The following TJP1 variants were observed in gnomAD, a reference collection of about 807,000 sequenced individuals.
TJP1 encodes the protein tight junction protein 1.
In TJP1, 43 loss-of-function variants were observed where a neutral mutation model predicts 194.2. The ratio of observed to expected loss-of-function variants is 0.22; its 90% CI spans 0.17 to 0.29. TJP1 has a LOEUF of 0.29. Among genes scored for constraint, TJP1 ranks in the 10% least tolerant of loss-of-function variants. The probability of loss-of-function intolerance (pLI) is 1.00; values close to 1 mark genes in which losing one functional copy is unlikely to be tolerated. For missense variants in TJP1, 1,971 were observed against 2,185.7 expected, an observed-to-expected ratio of 0.90 and a Z score of 1.96; for synonymous variants, 801 against 779.0, an observed-to-expected ratio of 1.03 and a Z score of -0.47.
chr15:29,905,710 C>T (rs1364925629), intron 2 of TJP1, among the ~76,000 whole-genome samples: 5 of 152,106 alleles, frequency 3.3e-5, no homozygotes, highest in Admixed American at 6.5e-5. Flanking sequence ...CTATTACCTA[C>T]AAAAAACATG....
chr15:29,760,561 G>A (rs942318257), intron 8 of TJP1, among the ~76,000 whole-genome samples: 17 of 152,212 alleles, frequency 1.1e-4, no homozygotes, highest in Admixed American at 9.2e-4. Flanking sequence ...ATTTTTAGTA[G>A]AGACAGAGTT....
chr15:29,860,812 A>G (rs902353530), intron 2 of TJP1, among the ~76,000 whole-genome samples: 10 of 152,202 alleles, frequency 6.6e-5, no homozygotes, highest in African/African-American at 2.2e-4. Context: ...GCAACCCTGT[A>G]TCTAGCAAGT....
At chr15:29,917,033 G>T (rs976541350) in intron 2 of TJP1, among the ~76,000 whole-genome samples, 5 of 152,138 alleles carry the variant, frequency 3.3e-5, no homozygotes, top group Non-Finnish European at 7.3e-5. Flanking sequence ...AAGGATAGAA[G>T]ACATTTAAGA....
chr15:29,815,380 C>G (rs1394937603), intron 1 of TJP1, among the ~76,000 whole-genome samples: 1 of 152,170 alleles, frequency 6.6e-6, no homozygotes, highest in Non-Finnish European at 1.5e-5. Flanking sequence ...TCAAGATTTG[C>G]TTTCAAAATT....
chr15:29,708,468 T>A, intron 25 of TJP1, 91 bp downstream of exon 25: 1 of 1,046,768 alleles, frequency 9.6e-7, no homozygotes, highest in Non-Finnish European at 1.4e-6. Context: ...GTTAAAAAGA[T>A]CACTTTAAAG....
chr15:29,938,445 G>A (rs973893011), intron 2 of TJP1, among the ~76,000 whole-genome samples: 18 of 152,094 alleles, frequency 1.2e-4, no homozygotes, highest in Non-Finnish European at 2.2e-4. Flanking sequence ...CAAAAATCAC[G>A]TTTGTAGTAC....
rs967864546 is a variant in TJP1 at position 29,706,213 on chromosome 15, G to A, written c.4851-468C>T. On this transcript the variant is annotated intron_variant, in intron 25 of 27. Transcript: ENST00000614355. ...CTCCCAAAGTGCTGAGGTTACAGGC[G>A]TGAGCCACCGCGCCTGGCGAGAATA... Among the ~76,000 whole-genome samples the A allele has an allele frequency of 4.6e-5, 7 of 152,286 alleles. 1 individual carries two copies. Among genetic ancestry groups the A allele is most frequent in the African/African-American group, 1.4e-4 (6 of 41,558 alleles).
At chr15:29,870,889 C>T (rs1289767530) in intron 2 of TJP1, among the ~76,000 whole-genome samples, 1 of 152,194 alleles carries the variant, frequency 6.6e-6, no homozygotes, top group African/African-American at 2.4e-5. Flanking sequence ...ATAAAGCTAA[C>T]AAGTTGATTG....
Position 29,926,639 on chromosome 15 carries a change from G to T in TJP1, c.306+29593C>A, listed in dbSNP as rs148273395. Among the ~76,000 whole-genome samples, 577 of 151,818 alleles carry T rather than the reference G, an allele frequency of 3.8e-3. 1 individual carries two copies. The highest frequency in any genetic ancestry group is 0.013 in the African/African-American group (544 of 41,396). The stretch of plus-strand genomic sequence containing the variant: ...GAAAAAAAAAAAAAAAAGTATTTGG[G>T]GACAAGAAATGAATTAATATGTGTG... On this transcript the variant is annotated intron_variant, in intron 2 of 28. Coordinates refer to the TJP1 transcript ENST00000356107.
In TJP1 at chr15:29,705,928, TTTTG is replaced by T. The variant is rs1025897971; in HGVS notation, c.4851-187_4851-184del. Among the ~76,000 whole-genome samples the T allele has an allele frequency of 5.4e-4, 82 of 152,198 alleles. 1 individual carries two copies. The highest frequency in any genetic ancestry group is 1.5e-4 in the Non-Finnish European group (10 of 68,030). ...GTTATCGCAGAGAATATTATTTCTT[TTTTG>T]TTTGTTTGTTTGGTTTTGAGACAGA... On this transcript the variant is annotated intron_variant, in intron 25 of 27. Transcript: ENST00000614355.
chr15:29,716,726 C>T lies in TJP1; in HGVS notation c.4087G>A (p.Asp1363Asn). The change falls in exon 23 of 28, where the codon GAC becomes AAC. Residue 1363 changes from aspartate (D) to asparagine (N), a missense_variant. Physicochemically the swap from Asp to Asn is conservative, Grantham distance 23. Around this residue, in one of 5 missense-constraint regions of TJP1, gnomAD observed 1,108 missense variants for 1,128.5 expected, o/e 0.98. Coordinates refer to ENST00000614355, the MANE Select transcript of TJP1 (RefSeq NM_001330239.4). ...EYYRKQLSYF[D>N]RRSFENKPPA... is the part of the protein sequence containing the mutation. Reference sequence around the variant, plus strand: ...GGCTTATTCTCAAAACTTCTTCGGTCAAAGTATGACAGCTGTTTTCGATAA... The same window carrying T: ...GGCTTATTCTCAAAACTTCTTCGGTTAAAGTATGACAGCTGTTTTCGATAA... 1 of 1,614,076 alleles carries T rather than the reference C, an allele frequency of 6.2e-7. No individual in the cohort carries two copies. The highest frequency in any genetic ancestry group is 1.1e-5 in the South Asian group (1 of 91,052).
intron 2 of TJP1, among the ~76,000 whole-genome samples, chr15:29,917,142 A>G (rs1001877): frequency 0.18 from 26,806 of 152,228 alleles, 2,515 homozygotes; most frequent in East Asian, 0.34. Flanking sequence ...AGCTGTAAAC[A>G]AAAGGATACG....
chr15:29,850,307 CT>C (rs2051591608), intron 2 of TJP1, among the ~76,000 whole-genome samples: 1 of 152,084 alleles, frequency 6.6e-6, no homozygotes, highest in Non-Finnish European at 1.5e-5. Flanking sequence ...ATTTTAGAGA[CT>C]TTGTGAAATA....
intron 1 of TJP1, among the ~76,000 whole-genome samples, chr15:29,959,956 A>G (rs1342759738): frequency 3.3e-5 from 5 of 152,218 alleles, no homozygotes; most frequent in Admixed American, 6.5e-5. Flanking sequence ...TATTCAAAAG[A>G]GGACATATGG....
intron 2 of TJP1, among the ~76,000 whole-genome samples, chr15:29,934,768 A>T (rs1264219711): frequency 6.6e-6 from 1 of 152,224 alleles, no homozygotes; most frequent in Non-Finnish European, 1.5e-5. Context: ...GTAGTTTTCA[A>T]CTTCAAATAC....
At position 29,835,005 on chromosome 15, in the gene TJP1, T is replaced by C. The variant is rs557169617; in HGVS notation, c.307-34303A>G. Among the ~76,000 whole-genome samples, 4 of 152,242 alleles carry C rather than the reference T, an allele frequency of 2.6e-5. No homozygotes were observed. The South Asian group carries it at 8.3e-4, about 32-fold the overall frequency. ...GATGGAAATAATCTGGAAAAGGTCTTTTGGGAATGAAGTTTCCTCATCTGC... is the reference window on the plus strand; with the variant it reads ...GATGGAAATAATCTGGAAAAGGTCTCTTGGGAATGAAGTTTCCTCATCTGC... On this transcript the variant is annotated intron_variant, in intron 2 of 28. Transcript: ENST00000356107.
chr15:29,805,106 T>C (rs894221826), intron 1 of TJP1, among the ~76,000 whole-genome samples: 2 of 152,242 alleles, frequency 1.3e-5, no homozygotes, highest in African/African-American at 4.8e-5. Context: ...CTGCAATTCA[T>C]GGTTGCTGGA....
chr15:29,743,597 T>G (rs2044569062), intron 8 of TJP1, among the ~76,000 whole-genome samples: 1 of 152,150 alleles, frequency 6.6e-6, no homozygotes, highest in African/African-American at 2.4e-5. Context: ...CACTGTCACT[T>G]GTTCCTACAG....
At chr15:29,718,236 A>G in intron 21 of TJP1, 30 bp downstream of exon 21, 2 of 1,602,708 alleles carry the variant, frequency 1.2e-6, no homozygotes, top group South Asian at 1.1e-5. Context: ...CGGTGTGCCC[A>G]TGCATCCAAG....
Sources: allele counts gnomAD v4.1 joint callset (sites outside exome capture counted in the v4.1 genomes callset), GRCh38; gene constraint gnomAD v4.1.1; regional missense constraint gnomAD v4.1.1; transcripts MANE v1.5; gene names NCBI Gene and HGNC (gene_info 2026-07-23, HGNC 2026-07-21).